Variants in JARID2 observed in about 807,000 individuals in gnomAD.
JARID2 encodes the protein protein Jumonji.
Under a neutral mutation model 125.6 loss-of-function variants are expected in JARID2, and 21 were observed. That is an observed-to-expected ratio of 0.17 (90% CI 0.12 to 0.24). JARID2 has a LOEUF of 0.24. Ranked by LOEUF, JARID2 falls within the 10% of genes least tolerant of loss-of-function variation. The pLI, the probability that JARID2 is intolerant of heterozygous loss-of-function variation, is 1.00. For synonymous variants in JARID2, 736 were observed against 661.6 expected (o/e 1.11, Z -1.73); for missense variants, 1,303 against 1,639.6 (o/e 0.79, Z 3.55).
At chr6:15,488,853 A>G (rs1186011986) in intron 6 of JARID2, among the ~76,000 whole-genome samples, 1 of 152,096 alleles carries the variant, frequency 6.6e-6, no homozygotes, top group African/African-American at 2.4e-5. Flanking sequence ...AACAGACCTC[A>G]GTTTTCCCAG....
chr6:15,475,795 C>T (rs927290803), intron 5 of JARID2, among the ~76,000 whole-genome samples: 1 of 152,198 alleles, frequency 6.6e-6, no homozygotes, highest in Non-Finnish European at 1.5e-5. Flanking sequence ...TTTACTCCCT[C>T]ATTTTTTGAA....
At chr6:15,308,789 T>G (rs1581395851) in intron 1 of JARID2, among the ~76,000 whole-genome samples, 1 of 152,352 alleles carries the variant, frequency 6.6e-6, no homozygotes, top group South Asian at 2.1e-4. Flanking sequence ...CCACCATGAC[T>G]TTTGCTTACT....
At chr6:15,364,070 G>A (rs1763888879) in intron 1 of JARID2, among the ~76,000 whole-genome samples, 1 of 152,182 alleles carries the variant, frequency 6.6e-6, no homozygotes, top group Non-Finnish European at 1.5e-5. Flanking sequence ...AACCAGTCTT[G>A]TGACAATATA....
intron 1 of JARID2, among the ~76,000 whole-genome samples, chr6:15,335,866 G>A (rs1378908420): frequency 1.3e-5 from 2 of 152,000 alleles, no homozygotes; most frequent in African/African-American, 2.4e-5. Flanking sequence ...TCTGGGGGAC[G>A]GATTGCTTGA....
At chr6:15,512,168 G>A (rs775058902) in intron 13 of JARID2, 40 bp from the exon 14 acceptor site, 9 of 1,590,528 alleles carry the variant, frequency 5.7e-6, no homozygotes, top group Admixed American at 5.1e-5. Context: ...GTGTCCCTGC[G>A]CACAGGGAGG....
At chr6:15,376,826 G>T (rs1764374111) in intron 2 of JARID2, among the ~76,000 whole-genome samples, 1 of 152,146 alleles carries the variant, frequency 6.6e-6, no homozygotes, top group Non-Finnish European at 1.5e-5. Flanking sequence ...TGGTATCATG[G>T]GAAGAGCTCC....
chr6:15,497,493 C>T (rs995607460), intron 7 of JARID2, among the ~76,000 whole-genome samples: 1 of 151,788 alleles, frequency 6.6e-6, no homozygotes, highest in East Asian at 1.9e-4. Flanking sequence ...ACTAAAAATA[C>T]AAAAAAATTA....
At chr6:15,334,887 G>C (rs901066049) in intron 1 of JARID2, among the ~76,000 whole-genome samples, 8 of 152,032 alleles carry the variant, frequency 5.3e-5, no homozygotes, top group Admixed American at 4.6e-4. Context: ...CATGAATATT[G>C]CTATTTTCAT....
intron 1 of JARID2, among the ~76,000 whole-genome samples, chr6:15,310,281 G>GA (rs757751837): frequency 6.6e-6 from 1 of 152,132 alleles, no homozygotes; most frequent in African/African-American, 2.4e-5. Flanking sequence ...AAAAACAGTA[G>GA]AAAAAATGAT....
At chr6:15,354,203 C>A (rs56372492) in intron 1 of JARID2, among the ~76,000 whole-genome samples, 1 of 152,030 alleles carries the variant, frequency 6.6e-6, no homozygotes, top group Admixed American at 6.6e-5. Context: ...AAAAATGAGA[C>A]GAGAAGACAG....
At position 15,374,025 on chromosome 6, in the gene JARID2, T is replaced by G. The variant is rs937039978; in HGVS notation, c.46-92T>G. 5.5e-6 allele frequency: 8 copies of G among 1,464,016 alleles called. No homozygotes were observed. The East Asian group carries it at 1.6e-4, about 29-fold the overall frequency. 90.7% of individuals were successfully genotyped at this position (1,464,016 alleles called of 1,614,324 possible). On this transcript the variant is annotated intron_variant, in intron 1 of 17. Transcript: ENST00000341776. ...TGGGTCGTGGTCACACAGTACGTGT[T>G]CGGAAATTCCTTTAAAATAAAGTTT...
At chr6:15,433,107 A>G (rs1767037961) in intron 3 of JARID2, among the ~76,000 whole-genome samples, 1 of 152,204 alleles carries the variant, frequency 6.6e-6, no homozygotes, top group Non-Finnish European at 1.5e-5. Flanking sequence ...CGAGGGCTCT[A>G]TGTGATTTAA....
intron 1 of JARID2, among the ~76,000 whole-genome samples, chr6:15,335,533 C>T (rs1762849482): frequency 6.6e-6 from 1 of 152,222 alleles, no homozygotes; most frequent in African/African-American, 2.4e-5. Context: ...CTCTGCTCTT[C>T]CTTCACATCT....
intron 7 of JARID2, among the ~76,000 whole-genome samples, 180 bp from the exon 8 acceptor site, chr6:15,500,727 C>T (rs1393723520): frequency 2.6e-5 from 4 of 152,102 alleles, no homozygotes; most frequent in Non-Finnish European, 5.9e-5. Flanking sequence ...GGTCATGACC[C>T]ATCATTTTGT....
intron 4 of JARID2, among the ~76,000 whole-genome samples, chr6:15,459,859 A>G (rs1022527638): frequency 6.6e-6 from 1 of 152,202 alleles, no homozygotes; most frequent in African/African-American, 2.4e-5. Context: ...GCAATTAAGT[A>G]ATCCCCCAAT....
At chr6:15,319,253 T>G (rs1282348081) in intron 1 of JARID2, among the ~76,000 whole-genome samples, 1 of 152,194 alleles carries the variant, frequency 6.6e-6, no homozygotes, top group Non-Finnish European at 1.5e-5. Flanking sequence ...GGTTTGAAGT[T>G]GGTGGACCAA....
intron 3 of JARID2, among the ~76,000 whole-genome samples, chr6:15,437,602 C>T (rs150848286): frequency 6.6e-6 from 1 of 151,966 alleles, no homozygotes; most frequent in Non-Finnish European, 1.5e-5. Flanking sequence ...TTTTGGGGAG[C>T]CTGCTAATTA....
At chr6:15,499,458 A>G (rs957250378) in intron 7 of JARID2, among the ~76,000 whole-genome samples, 1 of 152,140 alleles carries the variant, frequency 6.6e-6, no homozygotes, top group Non-Finnish European at 1.5e-5. Context: ...GTTATAATCT[A>G]CTTAGAGTGA....
intron 2 of JARID2, among the ~76,000 whole-genome samples, chr6:15,404,209 T>C (rs548036455): frequency 6.6e-6 from 1 of 152,250 alleles, no homozygotes; most frequent in South Asian, 2.1e-4. Flanking sequence ...TGTGCCCTGC[T>C]CGCCCCTCTC....
Sources: gnomAD v4.1 joint callset for allele counts (sites outside exome capture counted in the v4.1 genomes callset) on GRCh38, gnomAD v4.1.1 for gene constraint, MANE v1.5 for transcripts, NCBI Gene and HGNC (gene_info 2026-07-23, HGNC 2026-07-21) for gene names.